TNN: variants seen among roughly 807,000 people sequenced by gnomAD.
TNN encodes the protein tenascin N.
In TNN, 122 loss-of-function variants were observed where a neutral mutation model predicts 134.4. That is an observed-to-expected ratio of 0.91 (90% CI 0.78 to 1.06). The LOEUF (loss-of-function observed/expected upper bound fraction) is 1.06, where lower values mean the gene tolerates loss of function less well. TNN is among the 50% of genes least tolerant of loss of function. The pLI, the probability that TNN is intolerant of heterozygous loss-of-function variation, is 0.00. For synonymous variants in TNN, 710 were observed against 670.3 expected (o/e 1.06, Z -0.91); for missense variants, 1,739 against 1,699.4 (o/e 1.02, Z -0.41).
intron 11 of TNN, among the ~76,000 whole-genome samples, chr1:175,120,156 A>T (rs1353434036): frequency 6.6e-6 from 1 of 152,236 alleles, no homozygotes; most frequent in Non-Finnish European, 1.5e-5. Flanking sequence ...TCCTTGCAGT[A>T]GGCAGCTGAC....
chr1:175,069,228 G>A, intron 1 of TNN, among the ~76,000 whole-genome samples: 1 of 152,178 alleles, frequency 6.6e-6, no homozygotes, highest in Admixed American at 6.5e-5. Flanking sequence ...TGCTCGGTCA[G>A]GGCTACGTAT....
rs145335811 is a variant in TNN at position 175,090,610 on chromosome 1, C to T, written c.1325-3380C>T. ...GTGCTCAAGTGTGGACAGGAGCTTTCGGATGTTACAGCCTAGTGTGAAGAC... is the reference window on the plus strand; with the variant it reads ...GTGCTCAAGTGTGGACAGGAGCTTTTGGATGTTACAGCCTAGTGTGAAGAC... On this transcript the variant is annotated intron_variant, in intron 6 of 18. Coordinates refer to ENST00000239462, the MANE Select transcript of TNN (RefSeq NM_022093.2). Among the ~76,000 whole-genome samples, 4 of 152,304 alleles carry T rather than the reference C, an allele frequency of 2.6e-5. No homozygotes were observed. In the East Asian group the frequency reaches 5.8e-4, roughly 22 times the overall value.
At chr1:175,137,077 G>C (rs754806247) in intron 17 of TNN, 89 bp downstream of exon 17, 36 of 1,371,320 alleles carry the variant, frequency 2.6e-5, no homozygotes, top group Non-Finnish European at 3.6e-5. Context: ...CTGGGGGATG[G>C]AATATTATTC....
Position 175,075,322 on chromosome 1 carries a change from G to A in TNN, c.-35-2062G>A, listed in dbSNP as rs545090754. Among the ~76,000 whole-genome samples the A allele has an allele frequency of 1.1e-4, 16 of 152,148 alleles. No homozygotes were observed. In the South Asian group the frequency reaches 3.1e-3, roughly 30 times the overall value. ...GGCGTTATTATTATTATTTGAGATC[G>A]AGTCTTGCTCTGTCGCCCAGGCTGG... is the stretch of plus-strand genomic sequence containing the variant. On this transcript the variant is annotated intron_variant, in intron 1 of 18. Coordinates refer to ENST00000239462, the MANE Select transcript of TNN (RefSeq NM_022093.2).
At position 175,077,670 on chromosome 1, in the gene TNN, C is replaced by T; in HGVS notation, c.252C>T (p.Ile84=). Residue 84 remains isoleucine, a synonymous_variant, in exon 2 of 19, where the codon ATC becomes ATT. Transcript: ENST00000239462. ...GGGAGGCCAGGGAGGAACAGAACAT[C>T]ATCTTCAGGCACAACATCCGCCTTC... ...ALGEAREEQN[I]IFRHNIRLQT... 1 of 1,614,218 alleles carries T rather than the reference C, an allele frequency of 6.2e-7. No individual in the cohort carries two copies.
At chr1:175,098,984 C>A (rs1304119736) in intron 9 of TNN, among the ~76,000 whole-genome samples, 1 of 152,180 alleles carries the variant, frequency 6.6e-6, no homozygotes, top group Non-Finnish European at 1.5e-5. Flanking sequence ...AAACCCTTTG[C>A]AAGCTTGTTT....
chr1:175,119,525 C>T (rs962681026), intron 11 of TNN, among the ~76,000 whole-genome samples: 2 of 152,172 alleles, frequency 1.3e-5, no homozygotes, highest in Non-Finnish European at 2.9e-5. Flanking sequence ...CAGTAGGTTT[C>T]ACCCTTATTT....
chr1:175,097,739 G>A, intron 8 of TNN, 56 bp downstream of exon 8: 1 of 1,605,694 alleles, frequency 6.2e-7, no homozygotes, highest in Non-Finnish European at 8.5e-7. Context: ...GATTTGAATA[G>A]GTATGGTATC....
chr1:175,116,891 T>C (rs767651750), intron 9 of TNN, 48 bp from the exon 10 acceptor site: 2 of 1,613,700 alleles, frequency 1.2e-6, no homozygotes, highest in Non-Finnish European at 1.7e-6. Flanking sequence ...GATCTCACTC[T>C]TTGGTACCAG....
chr1:175,122,749 A>G (rs550946132), intron 11 of TNN, among the ~76,000 whole-genome samples: 1 of 152,340 alleles, frequency 6.6e-6, no homozygotes, highest in Admixed American at 6.5e-5. Context: ...TCTTGAGACA[A>G]TCTGTCAGTT....
chr1:175,133,313 G>A (rs1229128517), intron 15 of TNN, among the ~76,000 whole-genome samples: 1 of 152,172 alleles, frequency 6.6e-6, no homozygotes, highest in Non-Finnish European at 1.5e-5. Flanking sequence ...TTTGGTGAAT[G>A]GCACCCAACT....
intron 1 of TNN, among the ~76,000 whole-genome samples, chr1:175,069,735 A>G (rs2149423943): frequency 6.6e-6 from 1 of 152,348 alleles, no homozygotes; most frequent in South Asian, 2.1e-4. Context: ...CTGGATGGAC[A>G]GGGACTTTGC....
chr1:175,108,702 T>C (rs1280938510), intron 9 of TNN, among the ~76,000 whole-genome samples: 1 of 152,072 alleles, frequency 6.6e-6, no homozygotes, highest in East Asian at 1.9e-4. Flanking sequence ...CTGGCCCGGG[T>C]GCTAAGCCCC....
intron 17 of TNN, among the ~76,000 whole-genome samples, chr1:175,143,456 A>G (rs1675985551): frequency 6.6e-6 from 1 of 152,074 alleles, no homozygotes; most frequent in Non-Finnish European, 1.5e-5. Flanking sequence ...GGATGTAATG[A>G]AGGACTGAAT....
At chr1:175,074,761 T>C (rs910768546) in intron 1 of TNN, among the ~76,000 whole-genome samples, 4 of 152,154 alleles carry the variant, frequency 2.6e-5, no homozygotes, top group Non-Finnish European at 5.9e-5. Context: ...TAATTCACAG[T>C]GGTGTCACAT....
At chr1:175,093,522 G>A (rs1229742768) in intron 6 of TNN, among the ~76,000 whole-genome samples, 4 of 152,170 alleles carry the variant, frequency 2.6e-5, no homozygotes, top group Non-Finnish European at 5.9e-5. Context: ...TTTGAAAAGA[G>A]AGAGAAGAGC....
rs141942041 is a variant in TNN, at chr1:175,071,113, A to G, written c.-36+3178A>G. Among the ~76,000 whole-genome samples, 339 of 152,324 alleles carry G rather than the reference A, an allele frequency of 2.2e-3. 1 individual carries two copies. Among genetic ancestry groups the G allele is most frequent in the African/African-American group, 7.7e-3 (319 of 41,566 alleles). ...ATCCATGATGATACACTTTTTCTAA[A>G]ACCCAAAGCAGTGCTTTCATTTTCC... On this transcript the variant is annotated intron_variant, in intron 1 of 18. Transcript: ENST00000239462.
chr1:175,098,731 C>G, intron 9 of TNN, 136 bp downstream of exon 9: 1 of 1,287,370 alleles, frequency 7.8e-7, no homozygotes, highest in Non-Finnish European at 1.1e-6. Context: ...CATTGTGTCC[C>G]CCTCACTTCC....
intron 1 of TNN, among the ~76,000 whole-genome samples, chr1:175,070,879 G>A (rs1352021972): frequency 6.6e-6 from 1 of 152,118 alleles, no homozygotes; most frequent in Non-Finnish European, 1.5e-5. Context: ...GGAAGTACAG[G>A]GAAGGCCCCT....
Sources: gnomAD v4.1 joint callset for allele counts (sites outside exome capture counted in the v4.1 genomes callset) on GRCh38, gnomAD v4.1.1 for gene constraint, MANE v1.5 for transcripts, NCBI Gene and HGNC (gene_info 2026-07-23, HGNC 2026-07-21) for gene names.